The following FAM221A variants were observed in gnomAD, a reference collection of about 807,000 sequenced individuals.
The protein encoded by FAM221A is protein FAM221A.
A neutral mutation model predicts 37.6 loss-of-function variants in FAM221A; 43 were observed. That is an observed-to-expected ratio of 1.15 (90% CI 0.90 to 1.48). The LOEUF is 1.48. Among genes scored for constraint, FAM221A ranks in the 40% most tolerant of loss-of-function variants. FAM221A has a pLI of 0.00. For synonymous variants in FAM221A, 135 were observed against 132.9 expected (o/e 1.02, Z -0.11); for missense variants, 361 against 361.5 (o/e 1.00, Z 0.01).
At chr7:23,693,366 T>A (rs1477528788) in intron 4 of FAM221A, 1 of 152,210 alleles carries the variant, frequency 6.6e-6, no homozygotes, top group African/African-American at 2.4e-5. Context: ...AAAATTGTTA[T>A]TGTTGTTTCA....
intron 2 of FAM221A, among the ~76,000 whole-genome samples, chr7:23,685,489 C>T (rs1319088637): frequency 2.0e-5 from 3 of 152,184 alleles, no homozygotes; most frequent in Non-Finnish European, 4.4e-5. Context: ...CTACCTACAT[C>T]TCACATCATT....
rs1467500251 is a variant in FAM221A, at chr7:23,700,678, T to C, written c.746-108T>C. ...ATTATTCATTTAGGCCATTTTTGGTTTGAAAAATAAAACATTATCACCGAG... is the reference window on the plus strand; with the variant it reads ...ATTATTCATTTAGGCCATTTTTGGTCTGAAAAATAAAACATTATCACCGAG... On this transcript the variant is annotated intron_variant, in intron 5 of 6. Transcript: ENST00000344962. The C allele has an allele frequency of 5.8e-6, 4 of 693,890 alleles. No individual in the cohort carries two copies. The African/African-American group carries it at 7.2e-5, about 12-fold the overall frequency. The allele number at this position is 693,890 out of a possible 1,614,324, so 43.0% of individuals were successfully genotyped here.
intron 1 of FAM221A, 147 bp from the exon 2 acceptor site, chr7:23,684,352 A>G (rs1418852701): frequency 1.6e-6 from 1 of 634,038 alleles, no homozygotes; most frequent in Non-Finnish European, 2.6e-6. Flanking sequence ...CAGTTGTTAC[A>G]GAGACCCGGC....
chr7:23,696,640 G>C (rs1386394761), intron 4 of FAM221A, among the ~76,000 whole-genome samples: 1 of 152,200 alleles, frequency 6.6e-6, no homozygotes, highest in Non-Finnish European at 1.5e-5. Flanking sequence ...TGTATATGCA[G>C]TCCATTGTTG....
chr7:23,682,788 A>C (rs1388037365), intron 1 of FAM221A, among the ~76,000 whole-genome samples: 1 of 152,118 alleles, frequency 6.6e-6, no homozygotes, highest in African/African-American at 2.4e-5. Context: ...TTTGAGTTGC[A>C]CTGGTCTAGA....
intron 2 of FAM221A, chr7:23,686,235 TG>T (rs1784359013): frequency 2.4e-6 from 1 of 419,964 alleles, no homozygotes; most frequent in Non-Finnish European, 4.7e-6. Context: ...TTATACAGCA[TG>T]GACTTGAACG....
rs148456454 is a variant in FAM221A, at chr7:23,696,379, G to A, written c.638-1813G>A. On this transcript the variant is annotated intron_variant, in intron 4 of 6. Coordinates refer to ENST00000344962, the MANE Select transcript of FAM221A (RefSeq NM_199136.5). ...TTGAGACCAGCCTAGGCAACATGGC[G>A]AAACCCTGTCTCTACAAAAATACAA... Among the ~76,000 whole-genome samples the A allele has an allele frequency of 7.1e-3, 1,083 of 152,214 alleles. 15 individuals are homozygous for A. Among genetic ancestry groups the A allele is most frequent in the African/African-American group, 0.024 (1,017 of 41,518 alleles).
chr7:23,684,839 A>G (rs1784271415), intron 2 of FAM221A, among the ~76,000 whole-genome samples, 167 bp downstream of exon 2: 1 of 152,226 alleles, frequency 6.6e-6, no homozygotes, highest in African/African-American at 2.4e-5. Context: ...TTATCCCAGA[A>G]CTTTGGGAGG....
intron 6 of FAM221A, among the ~76,000 whole-genome samples, chr7:23,701,887 ATTAC>A (rs1305347572): frequency 1.3e-5 from 2 of 152,240 alleles, no homozygotes; most frequent in South Asian, 2.1e-4. Flanking sequence ...ATATTCATAT[ATTAC>A]TTTTATTAAA....
At position 23,700,767 on chromosome 7, in the gene FAM221A, GA is replaced by G; in HGVS notation, c.746-18del. On this transcript the variant is annotated intron_variant, in intron 5 of 6. Coordinates refer to ENST00000344962, the MANE Select transcript of FAM221A (RefSeq NM_199136.5). ...TGTAATGATATAAATACATTACTTA[GA>G]TTTTTTTTCCTTGTTAGTAGGTACA... 6.7e-7 allele frequency: 1 copy of G among 1,493,358 alleles called. No individual in the cohort carries two copies. Among genetic ancestry groups the G allele is most frequent in the Non-Finnish European group, 9.2e-7 (1 of 1,090,966 alleles). 92.5% of individuals were successfully genotyped at this position (1,493,358 alleles called of 1,614,324 possible).
intron 5 of FAM221A, 135 bp downstream of exon 5, chr7:23,698,434 C>T (rs1193007907): frequency 6.4e-6 from 4 of 620,530 alleles, no homozygotes; most frequent in Non-Finnish European, 1.1e-5. Context: ...ATTTTACTTT[C>T]TTTTATGTAA....
Position 23,701,236 on chromosome 7 carries a change from C to CTTTTTTT in FAM221A, c.828+369_828+370insTTTTTTT, listed in dbSNP as rs1283939718. 6.9e-5 allele frequency among the ~76,000 whole-genome samples: 5 copies of CTTTTTTT among 72,746 alleles called. 2 individuals carry two copies. Among genetic ancestry groups the CTTTTTTT allele is most frequent in the Non-Finnish European group, 6.0e-5 (2 of 33,446 alleles). The allele number at this position is 72,746 out of a possible 152,430, so 47.7% of individuals were successfully genotyped here. A position where few individuals can be genotyped will look rare whatever the true frequency, so the allele number is the denominator to read the frequency against. On this transcript the variant is annotated intron_variant, in intron 6 of 6. Transcript: ENST00000344962. ...ATAAAGATTGAATATATTTTGAATT[C>CTTTTTTT]TCTTTTTTTTTTTTTTTTTTTGAGA...
rs555612464 is a variant in FAM221A at position 23,695,464 on chromosome 7, C to T, written c.638-2728C>T. Among the ~76,000 whole-genome samples, 20 of 152,296 alleles carry T rather than the reference C, an allele frequency of 1.3e-4. No homozygotes were observed. The South Asian group carries it at 1.5e-3, about 11-fold the overall frequency. Reference sequence around the variant, plus strand: ...CTTGGCTCACTGCAATCTCTGCCTCCTGGGTTCAAGTGATTCTCCTGCCTC... The same window carrying T: ...CTTGGCTCACTGCAATCTCTGCCTCTTGGGTTCAAGTGATTCTCCTGCCTC... On this transcript the variant is annotated intron_variant, in intron 4 of 6. Coordinates refer to ENST00000344962, the MANE Select transcript of FAM221A (RefSeq NM_199136.5).
chr7:23,703,000 T>C (rs1785545120), downstream of FAM221A: 1 of 152,180 alleles, frequency 6.6e-6, no homozygotes, highest in African/African-American at 2.4e-5. Flanking sequence ...CTAGTGACTT[T>C]GGGGCCACTC....
chr7:23,684,250 C>T (rs56392022), intron 1 of FAM221A, among the ~76,000 whole-genome samples: 17,980 of 151,870 alleles, frequency 0.12, 1,722 homozygotes, highest in African/African-American at 0.27. Context: ...GGCAAACGCT[C>T]GGTGGGCTTT....
intron 3 of FAM221A, among the ~76,000 whole-genome samples, chr7:23,691,095 C>T (rs1046707590): frequency 5.3e-5 from 8 of 152,262 alleles, no homozygotes; most frequent in Middle Eastern, 6.8e-3. Flanking sequence ...GGGCTCTCCC[C>T]GCCATGCCTG....
At chr7:23,701,729 C>A (rs891993215) in intron 6 of FAM221A, among the ~76,000 whole-genome samples, 4 of 152,098 alleles carry the variant, frequency 2.6e-5, no homozygotes, top group African/African-American at 9.7e-5. Context: ...AGAAAACTAT[C>A]CTTAAAGCAG....
intron 6 of FAM221A, among the ~76,000 whole-genome samples, chr7:23,701,238 CTTTTTTTT>C (rs1386533372): frequency 1.1e-4 from 6 of 52,222 alleles, no homozygotes; most frequent in African/African-American, 2.9e-4. Flanking sequence ...TTTGAATTCT[CTTTTTTTT>C]TTTTTTTTTT....
chr7:23,680,312 C>A (rs774406844), intron 1 of FAM221A, 29 bp downstream of exon 1: 56 of 1,511,618 alleles, frequency 3.7e-5, no homozygotes, highest in South Asian at 1.4e-4. Context: ...GCCTGCCCCC[C>A]CGCCGCTCCG....
Sources: gnomAD v4.1 joint callset for allele counts (sites outside exome capture counted in the v4.1 genomes callset) on GRCh38, gnomAD v4.1.1 for gene constraint, MANE v1.5 for transcripts, NCBI Gene and HGNC (gene_info 2026-07-23, HGNC 2026-07-21) for gene names.